Variants in HEPHL1 observed in about 807,000 individuals in gnomAD.
HEPHL1 encodes hephaestin like 1.
In HEPHL1, 123 loss-of-function variants were observed where a neutral mutation model predicts 122.0. That is an observed-to-expected ratio of 1.01 (90% CI 0.87 to 1.17). The LOEUF (loss-of-function observed/expected upper bound fraction) is 1.17. Among genes scored for constraint, HEPHL1 ranks in the 50% most tolerant of loss-of-function variants. The pLI is 0.00. For synonymous variants in HEPHL1, 527 were observed against 508.9 expected, an observed-to-expected ratio of 1.04 and a Z score of -0.48; for missense variants, 1,452 against 1,430.5, an observed-to-expected ratio of 1.01 and a Z score of -0.24.
intron 13 of HEPHL1, among the ~76,000 whole-genome samples, chr11:94,095,651 A>G (rs1946305150): frequency 1.3e-5 from 2 of 152,202 alleles, no homozygotes; most frequent in African/African-American, 4.8e-5. Flanking sequence ...CTTCCTATCC[A>G]TGAGCATGGA....
At chr11:94,053,109 C>A (rs1249251616) in intron 2 of HEPHL1, among the ~76,000 whole-genome samples, 2 of 151,930 alleles carry the variant, frequency 1.3e-5, no homozygotes, top group East Asian at 3.9e-4. Context: ...AATTTACTTT[C>A]AGGGAGGATC....
At chr11:94,042,491 A>T (rs1323719010) in intron 1 of HEPHL1, among the ~76,000 whole-genome samples, 10 of 145,574 alleles carry the variant, frequency 6.9e-5, no homozygotes, top group African/African-American at 2.5e-4. Context: ...TCCAACAATG[A>T]TAGACTGGAT....
intron 1 of HEPHL1, among the ~76,000 whole-genome samples, chr11:94,033,161 A>C (rs867945296): frequency 6.6e-6 from 1 of 152,114 alleles, no homozygotes; most frequent in Non-Finnish European, 1.5e-5. Context: ...TTCCTACTCT[A>C]AAGCTTTTTA....
rs866730341 is a variant in HEPHL1 at position 94,037,922 on chromosome 11, G to C, written c.171-7751G>C. On this transcript the variant is annotated intron_variant, in intron 1 of 19. Coordinates refer to ENST00000315765, the MANE Select transcript of HEPHL1 (RefSeq NM_001098672.2). ...AGGCTTCAGACGATCAAATTACTCT[G>C]AGCTACGGGAGGACATTCAAACCAA... Among the ~76,000 whole-genome samples, 809 of 151,350 alleles carry C rather than the reference G, an allele frequency of 5.3e-3. 3 individuals carry two copies. Among genetic ancestry groups the C allele is most frequent in the African/African-American group, 0.019 (771 of 40,832 alleles).
rs764497377 is a variant in HEPHL1 at position 94,088,788 on chromosome 11, A to G, written c.2114A>G (p.His705Arg). 2.0e-5 allele frequency: 32 copies of G among 1,613,644 alleles called. No individual in the cohort carries two copies. The highest frequency in any genetic ancestry group is 2.7e-5 in the Non-Finnish European group (32 of 1,179,816). ...IFRVFCATMPHLSRGMGQIYE... is the reference protein window; with the variant it reads ...IFRVFCATMPRLSRGMGQIYE... Reference sequence around the variant, plus strand: ...AGGGTGTTTTGTGCCACCATGCCCCACCTCTCGAGAGGCATGGGTCAGATC... The same window carrying G: ...AGGGTGTTTTGTGCCACCATGCCCCGCCTCTCGAGAGGCATGGGTCAGATC... Residue 705 changes from histidine (H) to arginine (R), a missense_variant, in exon 12 of 20, where the codon CAC becomes CGC. His to Arg is a conservative substitution (Grantham distance 29). Coordinates refer to ENST00000315765, the MANE Select transcript of HEPHL1 (RefSeq NM_001098672.2).
chr11:94,047,319 A>G (rs1409860057), intron 2 of HEPHL1, among the ~76,000 whole-genome samples: 1 of 152,152 alleles, frequency 6.6e-6, no homozygotes, highest in East Asian at 1.9e-4. Flanking sequence ...AATTAAGCCT[A>G]GTCCCCATTA....
At chr11:94,024,290 T>C (rs899763949) in intron 1 of HEPHL1, among the ~76,000 whole-genome samples, 1 of 152,212 alleles carries the variant, frequency 6.6e-6, no homozygotes, top group Non-Finnish European at 1.5e-5. Flanking sequence ...GAACATGTCA[T>C]ATAATCTCTC....
chr11:94,103,099 G>T (rs1263689255), intron 15 of HEPHL1, 79 bp downstream of exon 15: 3 of 818,774 alleles, frequency 3.7e-6, no homozygotes, highest in Non-Finnish European at 6.4e-6. Flanking sequence ...AATTTGGGTT[G>T]GTATATGTGA....
intron 10 of HEPHL1, among the ~76,000 whole-genome samples, chr11:94,084,780 G>C (rs890253224): frequency 6.6e-6 from 1 of 151,758 alleles, no homozygotes; most frequent in Non-Finnish European, 1.5e-5. Flanking sequence ...CATTATCAAA[G>C]ATTTTTTTTT....
intron 17 of HEPHL1, among the ~76,000 whole-genome samples, chr11:94,107,857 CAT>C (rs34985880): frequency 0.68 from 102,572 of 151,766 alleles, 34,763 homozygotes; most frequent in Admixed American, 0.76. Context: ...CATTTGTGCA[CAT>C]GTTTTTGTGT....
At chr11:94,025,271 A>G (rs1211912908) in intron 1 of HEPHL1, among the ~76,000 whole-genome samples, 2 of 152,182 alleles carry the variant, frequency 1.3e-5, no homozygotes, top group Non-Finnish European at 1.5e-5. Flanking sequence ...CCAGATAAAT[A>G]TACTTCTCCT....
chr11:94,104,396 A>G (rs1385581214), intron 15 of HEPHL1, 132 bp from the exon 16 acceptor site: 1 of 650,832 alleles, frequency 1.5e-6, no homozygotes, highest in Non-Finnish European at 2.7e-6. Context: ...GGGGTGAATC[A>G]GAGCTGAGAG....
At chr11:94,063,776 T>G in intron 3 of HEPHL1, 56 bp downstream of exon 3, 2 of 1,472,258 alleles carry the variant, frequency 1.4e-6, no homozygotes, top group Non-Finnish European at 1.9e-6. Flanking sequence ...AAGATTCAGG[T>G]CTTATTTTGC....
chr11:94,082,622 T>C, intron 10 of HEPHL1, 54 bp downstream of exon 10: 2 of 1,497,198 alleles, frequency 1.3e-6, no homozygotes, highest in South Asian at 2.5e-5. Context: ...GCATTAGAAG[T>C]GAAAATGATT....
At chr11:94,069,315 C>G (rs1946056917) in intron 5 of HEPHL1, among the ~76,000 whole-genome samples, 1 of 152,096 alleles carries the variant, frequency 6.6e-6, no homozygotes, top group Non-Finnish European at 1.5e-5. Flanking sequence ...GAGACAGGGT[C>G]TTGCTATGTT....
At chr11:94,052,426 T>G (rs942909845) in intron 2 of HEPHL1, among the ~76,000 whole-genome samples, 2 of 152,162 alleles carry the variant, frequency 1.3e-5, no homozygotes, top group Admixed American at 6.5e-5. Context: ...GATTATTCAC[T>G]GTTGGCATAT....
intron 2 of HEPHL1, among the ~76,000 whole-genome samples, chr11:94,058,128 G>C (rs1945955327): frequency 6.6e-6 from 1 of 152,100 alleles, no homozygotes; most frequent in African/African-American, 2.4e-5. Context: ...TAAGCATCTT[G>C]AGCCAATAAA....
In HEPHL1 at chr11:94,111,694, C is replaced by T. The variant is rs546075822; in HGVS notation, c.3280C>T (p.Arg1094Ter). The T allele has an allele frequency of 9.9e-6, 16 of 1,612,354 alleles. No individual in the cohort carries two copies. Among genetic ancestry groups the T allele is most frequent in the East Asian group, 2.2e-5 (1 of 44,858 alleles). ...SHPATVPSNE[R>*]PGKEQLYFFG... is the part of the protein sequence containing the mutation. ...TGACAAGTTTATCTTTTTCACAGAA[C>T]GACCTGGCAAAGAGCAGCTCTATTT... Residue 1094 changes from arginine to a stop codon, truncating the protein, a stop_gained and splice_region_variant, in exon 20 of 20, where the codon CGA becomes TGA. Transcript: ENST00000315765. LOFTEE classifies it high-confidence loss of function.
At chr11:94,079,728 T>G (rs1946153500) in intron 9 of HEPHL1, among the ~76,000 whole-genome samples, 1 of 152,040 alleles carries the variant, frequency 6.6e-6, no homozygotes, top group African/African-American at 2.4e-5. Flanking sequence ...AGTCAAGAGA[T>G]GAGGCTGAAC....
Sources: allele counts gnomAD v4.1 joint callset (sites outside exome capture counted in the v4.1 genomes callset), GRCh38; gene constraint gnomAD v4.1.1; transcripts MANE v1.5; gene names NCBI Gene and HGNC (gene_info 2026-07-23, HGNC 2026-07-21).